POLR1C: variants seen among roughly 807,000 people sequenced by gnomAD.
The protein encoded by POLR1C is DNA-directed RNA polymerases I and III subunit RPAC1.
POLR1C carries 42 observed loss-of-function variants against 38.3 expected under a neutral mutation model. The ratio of observed to expected loss-of-function variants is 1.10; its 90% CI spans 0.86 to 1.42. The LOEUF is 1.42. Ranked by LOEUF, POLR1C falls within the 40% of genes most tolerant of loss-of-function variation. POLR1C has a pLI of 0.00. For synonymous variants in POLR1C, 163 were observed against 163.9 expected (o/e 0.99, Z 0.04); for missense variants, 507 against 450.5 (o/e 1.13, Z -1.14).
rs768175368 is a variant in POLR1C, at chr6:43,561,038, T to C, written c.*49-362T>C. 4 of 1,554,778 alleles carry C rather than the reference T, an allele frequency of 2.6e-6. 1 individual carries two copies. The highest frequency in any genetic ancestry group is 1.1e-5 in the South Asian group (1 of 89,148). On this transcript the variant is annotated intron_variant, in intron 10 of 10. Coordinates refer to the POLR1C transcript ENST00000607635. ...GGAGAAGACCACTATATTAACGGTG[T>C]TGATCGAGAAAAGCAGGAGAGGAAA...
chr6:43,553,396 T>C (rs896161230), intron 10 of POLR1C: 1 of 1,608,530 alleles, frequency 6.2e-7, no homozygotes, highest in East Asian at 2.2e-5. Flanking sequence ...GTTCGAAACA[T>C]CTGGGTGATA....
At position 43,520,075 on chromosome 6, in the gene POLR1C, A is replaced by G. The variant is rs1793060300; in HGVS notation, c.392A>G (p.Glu131Gly). 4 of 1,614,214 alleles carry G rather than the reference A, an allele frequency of 2.5e-6. No individual in the cohort carries two copies. Among genetic ancestry groups the G allele is most frequent in the Middle Eastern group, 1.6e-4 (1 of 6,062 alleles). Residue 131 changes from glutamate to glycine, a missense_variant, in exon 5 of 9, where the codon GAA becomes GGA. Transcript: ENST00000642195. Reference protein sequence around the residue: ...LFEYRNQGDEEGTEIDTLQFR... With the variant: ...LFEYRNQGDEGGTEIDTLQFR... Reference sequence around the variant, plus strand: ...CCCTCCATTTGTGCAGGAGATGAAGAAGGCACAGAGATAGATACTCTACAG... The same window carrying G: ...CCCTCCATTTGTGCAGGAGATGAAGGAGGCACAGAGATAGATACTCTACAG...
chr6:43,519,246 A>G, intron 2 of POLR1C, 87 bp from the exon 3 acceptor site: 1 of 812,132 alleles, frequency 1.2e-6, no homozygotes, highest in African/African-American at 1.7e-5. Flanking sequence ...AGAGGATAAT[A>G]CTTGAGGGAA....
downstream of POLR1C, chr6:43,525,297 GTTT>G (rs369932860): frequency 7.4e-6 from 8 of 1,076,338 alleles, no homozygotes; most frequent in South Asian, 1.8e-5. Context: ...GAGCCGGAGG[GTTT>G]TTTTTTTTTC....
chr6:43,556,866 C>T lies in POLR1C; in HGVS notation c.*49-4534C>T, dbSNP rs566741193. Among the ~76,000 whole-genome samples, 15 of 152,266 alleles carry T rather than the reference C, an allele frequency of 9.9e-5. No homozygotes were observed. In the South Asian group the frequency reaches 2.3e-3, roughly 23 times the overall value. ...AATGAAGGCCGGGTGTGGTGGCTCA[C>T]GCCTATAATCCAGCACTTTGGGACG... On this transcript the variant is annotated intron_variant, in intron 10 of 10. Transcript: ENST00000607635.
chr6:43,532,644 C>T (rs948458606), downstream of POLR1C, among the ~76,000 whole-genome samples: 5 of 152,204 alleles, frequency 3.3e-5, no homozygotes, highest in Non-Finnish European at 5.9e-5. Context: ...TTTCCTCATG[C>T]CCCTAACCTA....
intron 9 of POLR1C, chr6:43,549,754 T>G: frequency 8.7e-7 from 1 of 1,152,772 alleles, no homozygotes; most frequent in Non-Finnish European, 1.2e-6. Context: ...GTATGCCCTA[T>G]AGTGGCAAAA....
chr6:43,558,748 C>T (rs1762248406), intron 10 of POLR1C, among the ~76,000 whole-genome samples: 2 of 152,170 alleles, frequency 1.3e-5, no homozygotes, highest in Non-Finnish European at 2.9e-5. Flanking sequence ...ATCACAGGTC[C>T]ACAGTTTGCT....
downstream of POLR1C, among the ~76,000 whole-genome samples, chr6:43,531,075 T>C (rs1793945451): frequency 6.6e-6 from 1 of 152,234 alleles, no homozygotes; most frequent in African/African-American, 2.4e-5. Flanking sequence ...GGCTGATTAG[T>C]GTAGTGGTTA....
At chr6:43,540,806 G>C (rs1195032949) in intron 9 of POLR1C, among the ~76,000 whole-genome samples, 1 of 151,976 alleles carries the variant, frequency 6.6e-6, no homozygotes, top group African/African-American at 2.4e-5. Flanking sequence ...TGAATTTACT[G>C]ATGTTATCAC....
At chr6:43,523,209 T>G (rs11077), downstream of POLR1C, 78,039 of 170,988 alleles carry the variant, frequency 0.46, 19,258 homozygotes, top group African/African-American at 0.63. Flanking sequence ...ACTAAAGACT[T>G]CCCAGCCCTG....
Position 43,528,300 on chromosome 6 carries a change from C to T in POLR1C, c.923-949C>T, listed in dbSNP as rs1268069332. 5.3e-6 allele frequency: 7 copies of T among 1,311,542 alleles called. No individual in the cohort carries two copies. The African/African-American group carries it at 7.4e-5, about 14-fold the overall frequency. 81.2% of individuals were successfully genotyped at this position (1,311,542 alleles called of 1,614,324 possible). ...AGTCCACTTCATGATTAAAATTAGCCAAGGATGATTCTAGGCATCAATGAC... is the reference window on the plus strand; with the variant it reads ...AGTCCACTTCATGATTAAAATTAGCTAAGGATGATTCTAGGCATCAATGAC... On this transcript the variant is annotated intron_variant, in intron 8 of 8. Coordinates refer to the POLR1C transcript ENST00000304004.
intron 10 of POLR1C, chr6:43,555,238 A>G (rs1208450189): frequency 1.3e-5 from 2 of 152,390 alleles, no homozygotes; most frequent in East Asian, 3.9e-4. Context: ...CACTGCATCC[A>G]GCCTTTTTGC....
downstream of POLR1C, among the ~76,000 whole-genome samples, chr6:43,531,813 A>C (rs1261671975): frequency 6.6e-6 from 1 of 151,980 alleles, no homozygotes; most frequent in Non-Finnish European, 1.5e-5. Flanking sequence ...TTTTTCCCCC[A>C]GATGGAACCT....
In POLR1C at chr6:43,536,781, A is replaced by AACAAAC. The variant is rs1442842566; in HGVS notation, c.*4+7423_*4+7424insCAAACA. On this transcript the variant is annotated intron_variant, in intron 9 of 10. Transcript: ENST00000607635. Reference sequence around the variant, plus strand: ...TCTAAAAAAAAAAAAAAAAAAAAAAAAAAAAAAAAGCAGCTTTACTTTTTG... The same window carrying AACAAAC: ...TCTAAAAAAAAAAAAAAAAAAAAAAAACAAACAAAAAAAAAGCAGCTTTACTTTTTG... Among the ~76,000 whole-genome samples the AACAAAC allele has an allele frequency of 2.3e-4, 34 of 150,316 alleles. 1 individual carries two copies. The highest frequency in any genetic ancestry group is 6.8e-4 in the African/African-American group (28 of 41,004).
At chr6:43,549,459 G>A in intron 9 of POLR1C, 1 of 1,567,908 alleles carries the variant, frequency 6.4e-7, no homozygotes, top group Non-Finnish European at 8.6e-7. Flanking sequence ...AACCAAACTT[G>A]GCTACTTCAG....
chr6:43,552,406 G>A (rs1224171618), intron 10 of POLR1C, among the ~76,000 whole-genome samples: 1 of 151,876 alleles, frequency 6.6e-6, no homozygotes, highest in African/African-American at 2.4e-5. Context: ...AGGCTGGAGT[G>A]CACTGGCGTG....
In POLR1C at chr6:43,520,689, C is replaced by T; in HGVS notation, c.720C>T (p.Thr240=). Residue 240 remains threonine (T), a synonymous_variant, in exon 7 of 9, where the codon ACC becomes ACT. Transcript: ENST00000642195. The part of the protein sequence containing the change: ...TASYRLLPDI[T]LLEPVEGEAA... ...GTTACAGGCTCCTGCCAGACATCAC[C>T]CTGCTTGAGCCCGTGGAAGGGGAGG... 2.5e-6 allele frequency: 4 copies of T among 1,614,128 alleles called. No individual in the cohort carries two copies. Among genetic ancestry groups the T allele is most frequent in the Non-Finnish European group, 3.4e-6 (4 of 1,180,010 alleles).
chr6:43,549,507 G>T, intron 9 of POLR1C: 5 of 1,612,660 alleles, frequency 3.1e-6, no homozygotes, highest in Non-Finnish European at 4.2e-6. Flanking sequence ...GCTGGGGGTA[G>T]TCACGACACA....
Sources: allele counts gnomAD v4.1 joint callset (sites outside exome capture counted in the v4.1 genomes callset), GRCh38; gene constraint gnomAD v4.1.1; transcripts MANE v1.5; gene names NCBI Gene and HGNC (gene_info 2026-07-23, HGNC 2026-07-21).